PNLIPRP3: variants seen among roughly 807,000 people sequenced by gnomAD.
The protein encoded by PNLIPRP3 is pancreatic lipase-related protein 3.
A neutral mutation model predicts 52.8 loss-of-function variants in PNLIPRP3; 58 were observed. That is an observed-to-expected ratio of 1.10 (90% CI 0.89 to 1.37). PNLIPRP3 has a LOEUF of 1.37. PNLIPRP3 is among the 40% of genes most tolerant of loss of function. The pLI, the probability that PNLIPRP3 is intolerant of heterozygous loss-of-function variation, is 0.00. For missense variants in PNLIPRP3, 593 were observed against 561.6 expected, an observed-to-expected ratio of 1.06 and a Z score of -0.57; for synonymous variants, 192 against 185.0, an observed-to-expected ratio of 1.04 and a Z score of -0.31.
At chr10:116,462,860 C>T (rs1204212390) in intron 7 of PNLIPRP3, among the ~76,000 whole-genome samples, 1 of 152,138 alleles carries the variant, frequency 6.6e-6, no homozygotes, top group African/African-American at 2.4e-5. Flanking sequence ...CATTTTGAGA[C>T]ATTTTAAGAT....
chr10:116,444,474 T>C lies in PNLIPRP3; in HGVS notation c.417T>C (p.Val139=), dbSNP rs1333765356. 6.2e-7 allele frequency: 1 copy of C among 1,613,732 alleles called. No individual in the cohort carries two copies. The highest frequency in any genetic ancestry group is 8.5e-7 in the Non-Finnish European group (1 of 1,179,784). ...EYIHAVNNLR[V]VGAEVAYFID... is the part of the protein sequence containing the mutation. ...TCCATGCTGTAAACAATCTCCGTGTTGTTGGTGCTGAGGTGGCTTATTTTA... is the reference window on the plus strand; with the variant it reads ...TCCATGCTGTAAACAATCTCCGTGTCGTTGGTGCTGAGGTGGCTTATTTTA... The change falls in exon 4 of 12, where the codon GTT becomes GTC. Residue 139 remains valine (V), a synonymous_variant. Transcript: ENST00000369230.
At chr10:116,470,235 T>TA (rs1260505197) in intron 9 of PNLIPRP3, among the ~76,000 whole-genome samples, 3 of 152,040 alleles carry the variant, frequency 2.0e-5, no homozygotes, top group Non-Finnish European at 4.4e-5. Flanking sequence ...CAGGTAGAGA[T>TA]ACGGATCTCA....
rs200957257 is a variant in PNLIPRP3, at chr10:116,461,141, C to T, written c.686-27C>T. 111 of 1,613,970 alleles carry T rather than the reference C, an allele frequency of 6.9e-5. No individual in the cohort carries two copies. The African/African-American group carries it at 1.3e-3, about 19-fold the overall frequency. On this transcript the variant is annotated intron_variant, in intron 6 of 11. Coordinates refer to ENST00000369230, the MANE Select transcript of PNLIPRP3 (RefSeq NM_001011709.3). Reference sequence around the variant, plus strand: ...GAAGCATAGAGGAGATTTTTAGAGGCATTTACCCTGTTTTTATTTATTTCA... The same window carrying T: ...GAAGCATAGAGGAGATTTTTAGAGGTATTTACCCTGTTTTTATTTATTTCA...
intron 5 of PNLIPRP3, among the ~76,000 whole-genome samples, chr10:116,457,711 C>T (rs552638714): frequency 2.0e-4 from 30 of 152,316 alleles, no homozygotes; most frequent in Middle Eastern, 3.4e-3. Context: ...TGGGGCCTCA[C>T]AGCCTCAGGC....
intron 2 of PNLIPRP3, among the ~76,000 whole-genome samples, chr10:116,441,279 A>T (rs1845854309): frequency 1.3e-5 from 2 of 152,168 alleles, no homozygotes; most frequent in African/African-American, 2.4e-5. Context: ...GATGGCAGGG[A>T]GACATGTGCA....
intron 4 of PNLIPRP3, among the ~76,000 whole-genome samples, chr10:116,453,894 C>G (rs1846074317): frequency 6.6e-6 from 1 of 151,970 alleles, no homozygotes. Flanking sequence ...GGTTTTAAGC[C>G]CTGCATTCAT....
intron 4 of PNLIPRP3, among the ~76,000 whole-genome samples, chr10:116,446,779 G>T (rs1388472166): frequency 6.6e-6 from 1 of 152,122 alleles, no homozygotes; most frequent in Non-Finnish European, 1.5e-5. Context: ...TACAACGAAG[G>T]CCAGAGGAAA....
intron 9 of PNLIPRP3, among the ~76,000 whole-genome samples, chr10:116,470,514 A>AT (rs34751726): frequency 0.83 from 117,655 of 142,454 alleles, 48,873 homozygotes; most frequent in East Asian, 0.99. Flanking sequence ...TATATATATA[A>AT]TTTTTTTTTT....
intron 2 of PNLIPRP3, among the ~76,000 whole-genome samples, chr10:116,437,082 G>C (rs1589975613): frequency 6.7e-6 from 1 of 149,784 alleles, no homozygotes; most frequent in Admixed American, 6.8e-5. Context: ...TTGCTCTTAT[G>C]TTATTTCATA....
At chr10:116,435,897 G>A (rs1040197423) in intron 1 of PNLIPRP3, among the ~76,000 whole-genome samples, 1 of 152,154 alleles carries the variant, frequency 6.6e-6, no homozygotes, top group Admixed American at 6.5e-5. Context: ...TCTTAAGAAA[G>A]AAGAACAAAG....
At chr10:116,476,976 T>C in intron 11 of PNLIPRP3, 114 bp from the exon 12 acceptor site, 3 of 1,147,210 alleles carry the variant, frequency 2.6e-6, no homozygotes, top group Non-Finnish European at 3.7e-6. Flanking sequence ...CAATGCTATA[T>C]GTGCAGAAGT....
At position 116,455,914 on chromosome 10, in the gene PNLIPRP3, T is replaced by C. The variant is rs573611318; in HGVS notation, c.565+84T>C. ...CAAGTATCTGAACACCAAGTAATACTGCAGAAGAAAATATAAGATACTACA... is the reference window on the plus strand; with the variant it reads ...CAAGTATCTGAACACCAAGTAATACCGCAGAAGAAAATATAAGATACTACA... On this transcript the variant is annotated intron_variant, in intron 5 of 11. Transcript: ENST00000369230. 6 of 951,490 alleles carry C rather than the reference T, an allele frequency of 6.3e-6. No homozygotes were observed. In the Admixed American group the frequency reaches 1.2e-4, roughly 19 times the overall value. The allele number at this position is 951,490 out of a possible 1,614,324, so 58.9% of individuals were successfully genotyped here.
intron 1 of PNLIPRP3, among the ~76,000 whole-genome samples, chr10:116,433,738 A>G (rs11197679): frequency 0.011 from 1,649 of 152,228 alleles, 68 homozygotes; most frequent in Admixed American, 0.08. Context: ...CTTTGCCCCA[A>G]CAGACACAGG....
Position 116,428,043 on chromosome 10 carries a change from T to C in PNLIPRP3, c.31T>C (p.Phe11Leu). The C allele has an allele frequency of 1.2e-6, 2 of 1,608,782 alleles. No individual in the cohort carries two copies. The highest frequency in any genetic ancestry group is 1.7e-6 in the Non-Finnish European group (2 of 1,176,094). The change falls in exon 1 of 12, where the codon TTC (phenylalanine) becomes CTC (leucine). Residue 11 changes from phenylalanine (F) to leucine (L), a missense_variant. Physicochemically the swap from Phe to Leu is conservative, Grantham distance 22. Coordinates refer to ENST00000369230, the MANE Select transcript of PNLIPRP3 (RefSeq NM_001011709.3). ...TGGAATTTGGATTGTTGCATTCTTG[T>C]TCTTTGGCACATCAAGAGGTAAGAT... MLGIWIVAFL[F>L]FGTSRGKEVC... is the part of the protein sequence containing the mutation.
intron 4 of PNLIPRP3, among the ~76,000 whole-genome samples, chr10:116,449,545 T>C (rs1846005586): frequency 6.6e-6 from 1 of 152,168 alleles, no homozygotes; most frequent in African/African-American, 2.4e-5. Flanking sequence ...ATATAATAAT[T>C]ATAAATATAT....
At chr10:116,437,618 G>A (rs12415255) in intron 2 of PNLIPRP3, among the ~76,000 whole-genome samples, 16,937 of 152,106 alleles carry the variant, frequency 0.11, 1,284 homozygotes, top group Admixed American at 0.24. Context: ...AAGCCATGGG[G>A]CCCCATTGAG....
chr10:116,461,752 A>C (rs1195933468), intron 7 of PNLIPRP3, among the ~76,000 whole-genome samples: 1 of 152,218 alleles, frequency 6.6e-6, no homozygotes, highest in African/African-American at 2.4e-5. Context: ...GTGACAGTGA[A>C]GGTAAAGTAG....
At chr10:116,460,256 A>T (rs1846173148) in intron 5 of PNLIPRP3, among the ~76,000 whole-genome samples, 1 of 152,232 alleles carries the variant, frequency 6.6e-6, no homozygotes, top group Non-Finnish European at 1.5e-5. Context: ...TCTGAATGCT[A>T]AACCTAGTTC....
chr10:116,460,997 C>T lies in PNLIPRP3; in HGVS notation c.597C>T (p.Asn199=), dbSNP rs778231333. The change falls in exon 6 of 12, where the codon AAC becomes AAT. Residue 199 remains asparagine (N), a synonymous_variant. Transcript: ENST00000369230. ...ACCCAGCTGGGCCATTTTTCCACAA[C>T]ACTCCAAAGGAAGTCAGGCTAGACC... The part of the protein sequence containing the change: ...GLDPAGPFFH[N]TPKEVRLDPS... 1.6e-5 allele frequency: 26 copies of T among 1,612,738 alleles called. No individual in the cohort carries two copies. Among genetic ancestry groups the T allele is most frequent in the Non-Finnish European group, 2.2e-5 (26 of 1,179,992 alleles).
Sources: gnomAD v4.1 joint callset for allele counts (sites outside exome capture counted in the v4.1 genomes callset) on GRCh38, gnomAD v4.1.1 for gene constraint, MANE v1.5 for transcripts, NCBI Gene and HGNC (gene_info 2026-07-23, HGNC 2026-07-21) for gene names.